USH2A: variants seen among roughly 807,000 people sequenced by gnomAD.
The protein encoded by USH2A is usherin, also known as Usher syndrome 2A (autosomal recessive, mild).
A neutral mutation model predicts 538.9 loss-of-function variants in USH2A; 443 were observed. The ratio of observed to expected loss-of-function variants is 0.82; its 90% CI spans 0.76 to 0.89. USH2A has a LOEUF of 0.89. Ranked by LOEUF, USH2A falls within the 40% of genes least tolerant of loss-of-function variation. The probability of loss-of-function intolerance (pLI) is 0.00; values close to 1 mark genes in which losing one functional copy is unlikely to be tolerated. For synonymous variants in USH2A, 2,413 were observed against 2,273.5 expected, an observed-to-expected ratio of 1.06 and a Z score of -1.75; for missense variants, 6,633 against 6,324.8, an observed-to-expected ratio of 1.05 and a Z score of -1.65.
chr1:216,373,803 C>T (rs1366245370), intron 3 of USH2A, among the ~76,000 whole-genome samples: 1 of 151,962 alleles, frequency 6.6e-6, no homozygotes, highest in African/African-American at 2.4e-5. Flanking sequence ...GAAAGAGACA[C>T]GTATGTTTAT....
At chr1:215,823,401 T>C (rs1334675932) in intron 47 of USH2A, among the ~76,000 whole-genome samples, 1 of 152,084 alleles carries the variant, frequency 6.6e-6, no homozygotes, top group African/African-American at 2.4e-5. Context: ...TTGAGTAGAC[T>C]GTTGCCAAAC....
intron 3 of USH2A, among the ~76,000 whole-genome samples, chr1:216,377,496 T>G (rs374849787): frequency 3.3e-5 from 5 of 152,116 alleles, no homozygotes; most frequent in Admixed American, 3.3e-4. Context: ...ACAGATAAGA[T>G]AGTGGCATTG....
intron 61 of USH2A, among the ~76,000 whole-genome samples, chr1:215,717,802 T>C (rs1171813418): frequency 6.6e-6 from 1 of 152,194 alleles, no homozygotes; most frequent in East Asian, 1.9e-4. Context: ...GCCCAGGTTT[T>C]CAACTTTAAT....
intron 60 of USH2A, among the ~76,000 whole-genome samples, chr1:215,731,185 A>G (rs537138502): frequency 9.4e-4 from 143 of 152,334 alleles, no homozygotes; most frequent in African/African-American, 3.3e-3. Flanking sequence ...TTTTAAATAC[A>G]TATACTATTT....
rs1376094584 is a variant in USH2A at position 215,934,695 on chromosome 1, G to C, written c.7221C>G (p.Asn2407Lys). The C allele has an allele frequency of 6.2e-7, 1 of 1,612,670 alleles. No homozygotes were observed. ...VLIDGLVPFT[N>K]YTVQVNISNS... ...TTGAAATATTCACTTGTACAGTATA[G>C]TTGGTAAAAGGAACCAGCCCATCGA... Residue 2407 changes from asparagine (N) to lysine (K), a missense_variant, in exon 38 of 72, where the codon AAC becomes AAG. Coordinates refer to ENST00000307340, the MANE Select transcript of USH2A (RefSeq NM_206933.4).
intron 20 of USH2A, among the ~76,000 whole-genome samples, chr1:216,177,161 C>T (rs2034404968): frequency 1.3e-5 from 2 of 152,084 alleles, no homozygotes. Context: ...AGTGGCTGTA[C>T]CATTTTGCAT....
At chr1:216,030,810 G>C (rs1294107834) in intron 32 of USH2A, among the ~76,000 whole-genome samples, 2 of 150,690 alleles carry the variant, frequency 1.3e-5, no homozygotes, top group Non-Finnish European at 3.0e-5. Context: ...ACCTTTCCTA[G>C]GTATTAATTT....
In USH2A at chr1:216,207,282, A is replaced by G. The variant is rs1392969164; in HGVS notation, c.3307T>C (p.Tyr1103His). 3 of 1,613,980 alleles carry G rather than the reference A, an allele frequency of 1.9e-6. No individual in the cohort carries two copies. The highest frequency in any genetic ancestry group is 1.7e-5 in the Admixed American group (1 of 60,016). ...GFEIYTTEDQ[Y>H]PYSIQYFLDT... ...AAACCCTTAAACTCACTGTATGGGT[A>G]TTGATCCTCTGTTGTGTAGATTTCA... Residue 1103 changes from tyrosine to histidine, a missense_variant, in exon 16 of 72, where the codon TAC becomes CAC. Tyr to His is a moderately conservative substitution (Grantham distance 83). Coordinates refer to ENST00000307340, the MANE Select transcript of USH2A (RefSeq NM_206933.4).
chr1:215,903,304 G>T (rs1162056862), intron 38 of USH2A, among the ~76,000 whole-genome samples: 1 of 152,104 alleles, frequency 6.6e-6, no homozygotes, highest in African/African-American at 2.4e-5. Context: ...AGCTAAGGTT[G>T]TGAAGACAAC....
chr1:216,143,482 A>C (rs949065669), intron 21 of USH2A, among the ~76,000 whole-genome samples: 1 of 152,196 alleles, frequency 6.6e-6, no homozygotes, highest in African/African-American at 2.4e-5. Flanking sequence ...TAGTGGTCTA[A>C]AATTGTTTTG....
intron 61 of USH2A, among the ~76,000 whole-genome samples, chr1:215,704,692 A>G (rs938147462): frequency 1.3e-5 from 2 of 152,106 alleles, no homozygotes; most frequent in Non-Finnish European, 2.9e-5. Context: ...ACACTCTTCA[A>G]TGAGGCTGCG....
At chr1:215,986,173 G>A (rs1321362113) in intron 35 of USH2A, among the ~76,000 whole-genome samples, 6 of 152,068 alleles carry the variant, frequency 3.9e-5, no homozygotes, top group African/African-American at 1.4e-4. Flanking sequence ...AGGCTGAAGT[G>A]CAGTGTCACA....
intron 3 of USH2A, among the ~76,000 whole-genome samples, chr1:216,392,431 G>T (rs1053931890): frequency 2.8e-5 from 4 of 143,204 alleles, no homozygotes; most frequent in Admixed American, 2.2e-4. Flanking sequence ...GGCAGAGCTT[G>T]CAGTGAGCTG....
At chr1:215,751,222 A>C (rs1660611332) in intron 58 of USH2A, among the ~76,000 whole-genome samples, 1 of 152,174 alleles carries the variant, frequency 6.6e-6, no homozygotes, top group African/African-American at 2.4e-5. Flanking sequence ...ATGGCCAGCT[A>C]ACCTTTAATC....
At chr1:216,099,307 C>A (rs1230261126) in intron 21 of USH2A, among the ~76,000 whole-genome samples, 5 of 152,010 alleles carry the variant, frequency 3.3e-5, no homozygotes, top group Non-Finnish European at 7.3e-5. Context: ...TCCTTCCTGG[C>A]AACTCTTCCA....
At chr1:215,901,324 T>TTAATCAC (rs770918839) in intron 38 of USH2A, 27 of 292,748 alleles carry the variant, frequency 9.2e-5, no homozygotes, top group Non-Finnish European at 1.6e-4. Context: ...CATTGCTGCC[T>TTAATCAC]TAATCACACC....
intron 9 of USH2A, among the ~76,000 whole-genome samples, chr1:216,319,697 G>C (rs1331455928): frequency 6.6e-6 from 1 of 152,194 alleles, no homozygotes; most frequent in Admixed American, 6.5e-5. Flanking sequence ...AAACTGAGGA[G>C]TGGGACTACG....
At position 216,323,634 on chromosome 1, in the gene USH2A, G is replaced by A. The variant is rs1423536179; in HGVS notation, c.1390C>T (p.Arg464Cys). 6 of 1,613,576 alleles carry A rather than the reference G, an allele frequency of 3.7e-6. No homozygotes were observed. Among genetic ancestry groups the A allele is most frequent in the East Asian group, 2.2e-5 (1 of 44,788 alleles). Residue 464 changes from arginine to cysteine, a missense_variant, in exon 8 of 72, where the codon CGT (arginine) becomes TGT (cysteine). Transcript: ENST00000307340. ...TTATAGAAGTTATTGTATCCAGGAC[G>A]ATAATTTGGTCCAGGTGTCAGGATG... ...FSILTPGPNY[R>C]PGYNNFYNTP...
At chr1:216,274,074 A>T (rs1378047252) in intron 11 of USH2A, among the ~76,000 whole-genome samples, 2 of 152,064 alleles carry the variant, frequency 1.3e-5, no homozygotes, top group African/African-American at 4.8e-5. Flanking sequence ...ATGAACACTA[A>T]CATTTAAGAA....
Sources: allele counts gnomAD v4.1 joint callset (sites outside exome capture counted in the v4.1 genomes callset), GRCh38; gene constraint gnomAD v4.1.1; transcripts MANE v1.5; gene names NCBI Gene and HGNC (gene_info 2026-07-23, HGNC 2026-07-21).